The following SCLT1 variants were observed in gnomAD, a reference collection of about 807,000 sequenced individuals.
SCLT1 encodes sodium channel and clathrin linker 1, also known as sodium channel-associated protein 1.
A neutral mutation model predicts 112.8 loss-of-function variants in SCLT1; 78 were observed. The observed-to-expected ratio is 0.69, with a 90% CI of 0.58 to 0.83. The LOEUF (loss-of-function observed/expected upper bound fraction) is 0.83. Among genes scored for constraint, SCLT1 ranks in the 40% least tolerant of loss-of-function variants. The pLI, the probability that SCLT1 is intolerant of heterozygous loss-of-function variation, is 0.00. For missense variants in SCLT1, 747 were observed against 770.4 expected, an observed-to-expected ratio of 0.97 and a Z score of 0.36; for synonymous variants, 257 against 254.7, an observed-to-expected ratio of 1.01 and a Z score of -0.09.
At chr4:128,938,778 T>C (rs1737425689) in intron 17 of SCLT1, among the ~76,000 whole-genome samples, 1 of 152,132 alleles carries the variant, frequency 6.6e-6, no homozygotes, top group Non-Finnish European at 1.5e-5. Context: ...GGTCAGGAGT[T>C]CGAAACCAGC....
At chr4:128,873,273 G>GAAAAAAAAAAAAAAAAAAAAAAA (rs1553953485) in intron 5 of SCLT1, 1 of 78,660 alleles carries the variant, frequency 1.3e-5, no homozygotes, top group African/African-American at 4.7e-5. Context: ...AAAAAAAAAA[G>GAAAAAAAAAAAAAAAAAAAAAAA]AAAAAAAGAA....
intron 2 of SCLT1, among the ~76,000 whole-genome samples, chr4:129,062,971 GCTT>G (rs1044006167): frequency 1.3e-5 from 2 of 152,112 alleles, no homozygotes; most frequent in African/African-American, 4.8e-5. Context: ...TAAGCTTTGT[GCTT>G]CTTTTTTTCT....
rs1031830345 is a variant in SCLT1 at position 128,931,114 on chromosome 4, T to C, written c.1829+5541A>G. The stretch of plus-strand genomic sequence containing the variant: ...AAAAGCCAATAAGGGAAGGAAGGAC[T>C]GAGTGGTGGGGGGAGAGAGAGAGAA... On this transcript the variant is annotated intron_variant, in intron 18 of 20. Transcript: ENST00000281142. Among the ~76,000 whole-genome samples the C allele has an allele frequency of 2.0e-5, 3 of 149,344 alleles. No homozygotes were observed. In the East Asian group the frequency reaches 6.1e-4, roughly 30 times the overall value.
At chr4:129,019,377 T>C (rs546778742) in intron 5 of SCLT1, among the ~76,000 whole-genome samples, 2 of 152,314 alleles carry the variant, frequency 1.3e-5, no homozygotes, top group African/African-American at 4.8e-5. Flanking sequence ...CACCATTCTT[T>C]TACATACCAT....
intron 18 of SCLT1, among the ~76,000 whole-genome samples, chr4:128,895,736 G>A (rs1004576714): frequency 4.6e-5 from 7 of 152,232 alleles, no homozygotes; most frequent in African/African-American, 1.7e-4. Context: ...AGCAGGGCGA[G>A]GCATTGCCTC....
At chr4:129,006,188 A>C (rs1174663728) in intron 5 of SCLT1, among the ~76,000 whole-genome samples, 6 of 152,146 alleles carry the variant, frequency 3.9e-5, no homozygotes, top group Non-Finnish European at 8.8e-5. Flanking sequence ...ATTTAATAAA[A>C]AAATGTAGTT....
intron 5 of SCLT1, among the ~76,000 whole-genome samples, chr4:129,021,752 CT>C: frequency 6.6e-6 from 1 of 152,346 alleles, no homozygotes. Flanking sequence ...TCGTTCCTGC[CT>C]GCCGGTTGTG....
intron 2 of SCLT1, among the ~76,000 whole-genome samples, chr4:129,050,389 C>G (rs1477328646): frequency 6.6e-6 from 1 of 152,140 alleles, no homozygotes; most frequent in Admixed American, 6.5e-5. Context: ...CACAAACTTG[C>G]CAGCATCTAT....
At chr4:129,076,908 A>G (rs966076277) in intron 2 of SCLT1, among the ~76,000 whole-genome samples, 3 of 152,150 alleles carry the variant, frequency 2.0e-5, no homozygotes, top group African/African-American at 7.2e-5. Flanking sequence ...AGCTATTTAA[A>G]ATATCTTTTA....
chr4:129,004,927 T>C (rs1743857478), intron 5 of SCLT1, among the ~76,000 whole-genome samples: 1 of 151,682 alleles, frequency 6.6e-6, no homozygotes, highest in Admixed American at 6.6e-5. Context: ...TTTTTAAATA[T>C]CTAACAGTGT....
At chr4:129,052,794 T>G (rs1748935675) in intron 2 of SCLT1, among the ~76,000 whole-genome samples, 1 of 152,172 alleles carries the variant, frequency 6.6e-6, no homozygotes, top group Admixed American at 6.5e-5. Flanking sequence ...TTGCTCTTGC[T>G]TCTCTAGTTC....
chr4:128,999,172 C>T (rs529637452), intron 7 of SCLT1, among the ~76,000 whole-genome samples: 1 of 151,908 alleles, frequency 6.6e-6, no homozygotes, highest in African/African-American at 2.4e-5. Context: ...CATTAAGATA[C>T]CTTCCTGTTG....
chr4:129,009,375 A>G (rs184372328), intron 5 of SCLT1, among the ~76,000 whole-genome samples: 1 of 152,180 alleles, frequency 6.6e-6, no homozygotes, highest in Admixed American at 6.5e-5. Context: ...TTAGCCAGGC[A>G]TGGTGGTGGG....
chr4:128,876,308 AAG>A (rs1206338524), intron 4 of SCLT1, among the ~76,000 whole-genome samples: 5 of 152,162 alleles, frequency 3.3e-5, no homozygotes, highest in African/African-American at 1.2e-4. Context: ...TGCTCTGAGT[AAG>A]ACCCCTGAGA....
chr4:129,029,536 G>C (rs1483007951), intron 5 of SCLT1, among the ~76,000 whole-genome samples: 1 of 149,896 alleles, frequency 6.7e-6, no homozygotes, highest in Non-Finnish European at 1.5e-5. Context: ...GTGGGGTGGA[G>C]GGAGGGGGGA....
intron 4 of SCLT1, chr4:129,040,293 A>T: frequency 1.5e-6 from 1 of 671,876 alleles, no homozygotes; most frequent in East Asian, 2.7e-5. Flanking sequence ...ATACAGTGAG[A>T]GATAAAATTG....
intron 6 of SCLT1, among the ~76,000 whole-genome samples, chr4:129,000,548 C>T (rs903313942): frequency 2.7e-4 from 41 of 151,976 alleles, no homozygotes; most frequent in African/African-American, 9.7e-4. Context: ...TTTTTACTCT[C>T]ATCCTCTCAC....
At chr4:129,032,230 C>T (rs1194110110) in intron 5 of SCLT1, among the ~76,000 whole-genome samples, 1 of 152,048 alleles carries the variant, frequency 6.6e-6, no homozygotes, top group Non-Finnish European at 1.5e-5. Context: ...GAAAAACAAG[C>T]AATGGGGAAA....
chr4:128,905,781 C>T (rs1026593698), intron 18 of SCLT1, among the ~76,000 whole-genome samples: 1 of 148,980 alleles, frequency 6.7e-6, no homozygotes, highest in African/African-American at 2.5e-5. Context: ...TTTTTCAGAC[C>T]TCAGTTTAAA....
Sources: allele counts gnomAD v4.1 joint callset (sites outside exome capture counted in the v4.1 genomes callset), GRCh38; gene constraint gnomAD v4.1.1; transcripts MANE v1.5; gene names NCBI Gene and HGNC (gene_info 2026-07-23, HGNC 2026-07-21).